Variants in ACAP2 observed in about 807,000 individuals in gnomAD.
The protein encoded by ACAP2 is arf-GAP with coiled-coil, ANK repeat and PH domain-containing protein 2.
Under a neutral mutation model 115.8 loss-of-function variants are expected in ACAP2, and 39 were observed. The ratio of observed to expected loss-of-function variants is 0.34; its 90% CI spans 0.26 to 0.44. ACAP2 has a LOEUF of 0.44. Ranked by LOEUF, ACAP2 falls within the 20% of genes least tolerant of loss-of-function variation. ACAP2 has a pLI of 1.00. For missense variants in ACAP2, 662 were observed against 927.6 expected, an observed-to-expected ratio of 0.71 and a Z score of 3.72; for synonymous variants, 289 against 315.8, an observed-to-expected ratio of 0.92 and a Z score of 0.90.
At position 195,310,520 on chromosome 3, in the gene ACAP2, G is replaced by C. The variant is rs555508180; in HGVS notation, c.858-1683C>G. 3.9e-5 allele frequency among the ~76,000 whole-genome samples: 6 copies of C among 152,318 alleles called. No individual in the cohort carries two copies. In the South Asian group the frequency reaches 6.2e-4, roughly 16 times the overall value. ...GTGTAAAAATCATTTGAAGTAGGGT[G>C]AACTGTAGTCATACAAAATCATTTG... On this transcript the variant is annotated intron_variant, in intron 10 of 22. Transcript: ENST00000326793.
At chr3:195,324,847 C>T (rs557962704) in intron 9 of ACAP2, among the ~76,000 whole-genome samples, 1 of 152,152 alleles carries the variant, frequency 6.6e-6, no homozygotes, top group African/African-American at 2.4e-5. Flanking sequence ...CTGAACAACA[C>T]ACAAAAAGCA....
intron 8 of ACAP2, among the ~76,000 whole-genome samples, chr3:195,329,667 T>G (rs548703516): frequency 2.3e-4 from 35 of 152,280 alleles, no homozygotes; most frequent in Admixed American, 2.2e-3. Flanking sequence ...GGTCCCCAGC[T>G]CCATGGAAAC....
chr3:195,289,294 T>A, intron 20 of ACAP2, 63 bp from the exon 21 acceptor site: 11 of 889,226 alleles, frequency 1.2e-5, no homozygotes, highest in Non-Finnish European at 1.8e-5. Flanking sequence ...GTATTCACCT[T>A]AAAAAAAAAA....
chr3:195,431,669 G>C (rs1027682002), intron 1 of ACAP2, among the ~76,000 whole-genome samples: 1 of 149,580 alleles, frequency 6.7e-6, no homozygotes, highest in African/African-American at 2.5e-5. Context: ...GGATGGTCTC[G>C]ATCTCCTGAC....
At chr3:195,429,259 G>A (rs550497527) in intron 1 of ACAP2, among the ~76,000 whole-genome samples, 2 of 151,602 alleles carry the variant, frequency 1.3e-5, no homozygotes, top group African/African-American at 4.9e-5. Flanking sequence ...GTGGTGGTGT[G>A]TGCCTGTAAT....
intron 15 of ACAP2, among the ~76,000 whole-genome samples, chr3:195,298,251 T>G: frequency 9.5e-6 from 1 of 104,768 alleles, no homozygotes; most frequent in Admixed American, 1.0e-4. Flanking sequence ...CTTTCTCTCC[T>G]CTTTTTTTTT....
intron 4 of ACAP2, among the ~76,000 whole-genome samples, chr3:195,355,901 T>C (rs1196153682): frequency 2.0e-5 from 3 of 152,186 alleles, no homozygotes; most frequent in Non-Finnish European, 2.9e-5. Flanking sequence ...AAAGACTCCA[T>C]TGCAACAAAA....
chr3:195,295,174 G>T, intron 17 of ACAP2: 1 of 1,238,156 alleles, frequency 8.1e-7, no homozygotes, highest in Non-Finnish European at 1.1e-6. Flanking sequence ...GACTTGGAAT[G>T]CTCCACAAGA....
intron 1 of ACAP2, chr3:195,410,880 C>G: frequency 4.7e-6 from 1 of 213,258 alleles, no homozygotes; most frequent in Non-Finnish European, 9.9e-6. Context: ...CCTAATGGTC[C>G]CTTTTTTGCC....
At position 195,358,661 on chromosome 3, in the gene ACAP2, T is replaced by C. The variant is rs115448090; in HGVS notation, c.286-13344A>G. On this transcript the variant is annotated intron_variant, in intron 4 of 22. Coordinates refer to ENST00000326793, the MANE Select transcript of ACAP2 (RefSeq NM_012287.6). Reference sequence around the variant, plus strand: ...AAGAATTCCTGAGACTTATGAGCCCTGTTTAAAAACAGAGAAGAAAAAAGA... The same window carrying C: ...AAGAATTCCTGAGACTTATGAGCCCCGTTTAAAAACAGAGAAGAAAAAAGA... 5.6e-3 allele frequency among the ~76,000 whole-genome samples: 849 copies of C among 152,088 alleles called. 5 individuals are homozygous for C. Among genetic ancestry groups the C allele is most frequent in the African/African-American group, 0.02 (815 of 41,510 alleles).
intron 1 of ACAP2, among the ~76,000 whole-genome samples, chr3:195,440,051 G>A (rs1021718053): frequency 6.6e-6 from 1 of 151,982 alleles, no homozygotes; most frequent in Non-Finnish European, 1.5e-5. Flanking sequence ...AACATATTTT[G>A]GCCAAAATGC....
chr3:195,424,915 T>TTAA (rs1714547544), intron 1 of ACAP2, among the ~76,000 whole-genome samples: 6 of 55,640 alleles, frequency 1.1e-4, no homozygotes, highest in African/African-American at 4.2e-4. Context: ...GACCCTGTCT[T>TTAA]AAAAAAAAAA....
At chr3:195,383,755 C>T (rs113836676) in intron 2 of ACAP2, among the ~76,000 whole-genome samples, 4 of 151,646 alleles carry the variant, frequency 2.6e-5, no homozygotes, top group Admixed American at 6.6e-5. Context: ...GACAAGTTTC[C>T]GTACCATAAA....
At chr3:195,360,747 T>C (rs1732298535) in intron 4 of ACAP2, among the ~76,000 whole-genome samples, 1 of 151,434 alleles carries the variant, frequency 6.6e-6, no homozygotes, top group Admixed American at 6.6e-5. Flanking sequence ...TGAGTTGGGA[T>C]CGTGCCACTG....
At position 195,377,138 on chromosome 3, in the gene ACAP2, C is replaced by CTTTTTTTTTTTTTTTTTTT. The variant is rs749352761; in HGVS notation, c.285+3852_285+3870dup. Among the ~76,000 whole-genome samples, 23 of 77,112 alleles carry CTTTTTTTTTTTTTTTTTTT rather than the reference C, an allele frequency of 3.0e-4. 3 individuals are homozygous for CTTTTTTTTTTTTTTTTTTT. The highest frequency in any genetic ancestry group is 9.5e-4 in the African/African-American group (18 of 18,900). 50.6% of individuals were successfully genotyped at this position (77,112 alleles called of 152,430 possible). On this transcript the variant is annotated intron_variant, in intron 4 of 22. Coordinates refer to ENST00000326793, the MANE Select transcript of ACAP2 (RefSeq NM_012287.6). ...CATTTTACAGAGGAGGAATGTAAATCTTTTTTTTTTTTTTTTTTTTTTTGG... is the reference window on the plus strand; with the variant it reads ...CATTTTACAGAGGAGGAATGTAAATCTTTTTTTTTTTTTTTTTTTTTTTTTTTTTTTTTTTTTTTTTTGG...
chr3:195,281,912 TTTTCC>T (rs536353247), intron 22 of ACAP2, among the ~76,000 whole-genome samples: 375 of 152,358 alleles, frequency 2.5e-3, no homozygotes, highest in African/African-American at 8.7e-3. Flanking sequence ...TAGTCTGGAA[TTTTCC>T]TTTCCAAGAA....
At chr3:195,401,338 C>T (rs1483163274) in intron 1 of ACAP2, among the ~76,000 whole-genome samples, 2 of 152,162 alleles carry the variant, frequency 1.3e-5, no homozygotes, top group Non-Finnish European at 2.9e-5. Context: ...AATCTACATG[C>T]CACCTTCATG....
chr3:195,392,279 T>C (rs1734731393), intron 1 of ACAP2, 132 bp from the exon 2 acceptor site: 1 of 690,512 alleles, frequency 1.4e-6, no homozygotes, highest in Non-Finnish European at 2.4e-6. Flanking sequence ...AATAATTACC[T>C]TGGAATTTAG....
chr3:195,428,628 T>C (rs1354033976), intron 1 of ACAP2, among the ~76,000 whole-genome samples: 1 of 152,172 alleles, frequency 6.6e-6, no homozygotes, highest in Non-Finnish European at 1.5e-5. Flanking sequence ...ACCATCTAAG[T>C]TGTGTAAATA....
Sources: gnomAD v4.1 joint callset for allele counts (sites outside exome capture counted in the v4.1 genomes callset) on GRCh38, gnomAD v4.1.1 for gene constraint, MANE v1.5 for transcripts, NCBI Gene and HGNC (gene_info 2026-07-23, HGNC 2026-07-21) for gene names.